SULF1: variants seen among roughly 807,000 people sequenced by gnomAD.
SULF1 encodes extracellular sulfatase Sulf-1.
Under a neutral mutation model 110.5 loss-of-function variants are expected in SULF1, and 46 were observed. The ratio of observed to expected loss-of-function variants is 0.42; its 90% CI spans 0.33 to 0.53. The LOEUF is 0.53. Ranked by LOEUF, SULF1 falls within the 20% of genes least tolerant of loss-of-function variation. The probability of loss-of-function intolerance (pLI) is 0.12; values close to 1 mark genes in which losing one functional copy is unlikely to be tolerated. For missense variants in SULF1, 941 were observed against 1,094.2 expected, an observed-to-expected ratio of 0.86 and a Z score of 1.98; for synonymous variants, 371 against 387.1, an observed-to-expected ratio of 0.96 and a Z score of 0.49.
intron 3 of SULF1, among the ~76,000 whole-genome samples, chr8:69,529,728 A>G (rs1236157893): frequency 1.3e-5 from 2 of 152,188 alleles, no homozygotes; most frequent in African/African-American, 4.8e-5. Flanking sequence ...GGAGGCCTCA[A>G]TTCCTTGCCA....
At chr8:69,543,053 CTG>C (rs1328114417) in intron 3 of SULF1, among the ~76,000 whole-genome samples, 1 of 152,128 alleles carries the variant, frequency 6.6e-6, no homozygotes, top group East Asian at 1.9e-4. Context: ...TTCTATGAGT[CTG>C]TGGTTCTGTG....
rs143631855 is a variant in SULF1 at position 69,640,832 on chromosome 8, A to G, written c.2576A>G (p.Asp859Gly). 2.4e-5 allele frequency: 38 copies of G among 1,610,794 alleles called. No individual in the cohort carries two copies. Among genetic ancestry groups the G allele is most frequent in the East Asian group, 6.7e-5 (3 of 44,766 alleles). ...DVGNKDGGSY[D>G]LHRGQLWDGW... Reference sequence around the variant, plus strand: ...GGAAATAAAGATGGAGGAAGCTATGACCTACACAGGTATTCACACTTTTTT... The same window carrying G: ...GGAAATAAAGATGGAGGAAGCTATGGCCTACACAGGTATTCACACTTTTTT... The change falls in exon 22 of 23, where the codon GAC (aspartate) becomes GGC (glycine). Residue 859 changes from aspartate (D) to glycine (G), a missense_variant. Transcript: ENST00000402687.
upstream of SULF1, among the ~76,000 whole-genome samples, chr8:69,488,234 G>A (rs1410450195): frequency 4.6e-5 from 7 of 152,196 alleles, no homozygotes; most frequent in South Asian, 4.2e-4. Context: ...AAAAAGATCC[G>A]TCTATTACAA....
At chr8:69,633,239 TC>T (rs376952019) in intron 19 of SULF1, among the ~76,000 whole-genome samples, 443 of 152,192 alleles carry the variant, frequency 2.9e-3, no homozygotes, top group Non-Finnish European at 4.4e-3. Context: ...TGATGTGTGA[TC>T]TTAATTGCTT....
chr8:69,627,415 G>A, intron 16 of SULF1, 109 bp downstream of exon 16: 1 of 700,878 alleles, frequency 1.4e-6, no homozygotes. Context: ...CTATAATTAT[G>A]TGAAAAAATA....
Position 69,476,658 on chromosome 8 carries a change from A to G in SULF1, c.-391+9708A>G, listed in dbSNP as rs540017250. ...ACTTTGGCCTGTTCTATGTTACCCA[A>G]CTGGGTTTTCTGAACCATATTCCCT... On this transcript the variant is annotated intron_variant, in intron 1 of 22. Coordinates refer to the SULF1 transcript ENST00000260128. Among the ~76,000 whole-genome samples, 3 of 152,350 alleles carry G rather than the reference A, an allele frequency of 2.0e-5. No homozygotes were observed. The South Asian group carries it at 6.2e-4, about 32-fold the overall frequency.
chr8:69,640,127 G>GAAA (rs1323665893), intron 21 of SULF1, among the ~76,000 whole-genome samples: 1,550 of 78,268 alleles, frequency 0.02, 30 homozygotes, highest in African/African-American at 0.087. Context: ...AAGAAAGGAA[G>GAAA]GAAGAAGGAA....
intron 19 of SULF1, among the ~76,000 whole-genome samples, chr8:69,630,617 A>G (rs568077651): frequency 6.6e-6 from 1 of 152,302 alleles, no homozygotes; most frequent in South Asian, 2.1e-4. Flanking sequence ...TTAACTTTTA[A>G]TCTAGTTTCT....
At chr8:69,603,870 T>C (rs762749627) in intron 12 of SULF1, among the ~76,000 whole-genome samples, 1 of 152,226 alleles carries the variant, frequency 6.6e-6, no homozygotes, top group Non-Finnish European at 1.5e-5. Flanking sequence ...AGTTGGTTAA[T>C]TGGTACAAAA....
intron 3 of SULF1, among the ~76,000 whole-genome samples, chr8:69,556,149 ATG>A (rs559967214): frequency 2.0e-5 from 3 of 151,918 alleles, no homozygotes; most frequent in African/African-American, 7.3e-5. Flanking sequence ...ATGCACGTGT[ATG>A]TGTGTGTGTG....
chr8:69,636,668 C>T (rs991048395), intron 19 of SULF1, among the ~76,000 whole-genome samples: 1 of 152,098 alleles, frequency 6.6e-6, no homozygotes, highest in African/African-American at 2.4e-5. Flanking sequence ...AGTCGATTGG[C>T]GAGAGGTCAG....
At chr8:69,476,233 T>A (rs1174145854) in intron 1 of SULF1, among the ~76,000 whole-genome samples, 1 of 152,146 alleles carries the variant, frequency 6.6e-6, no homozygotes, top group African/African-American at 2.4e-5. Context: ...CAAAGACAAA[T>A]CATCCTTAAT....
intron 1 of SULF1, among the ~76,000 whole-genome samples, chr8:69,494,500 C>T (rs773367526): frequency 1.5e-4 from 23 of 151,874 alleles, no homozygotes; most frequent in Non-Finnish European, 3.4e-4. Context: ...TCTGTGGCTC[C>T]CATGAAATTC....
At chr8:69,636,872 T>C (rs1325616215) in intron 19 of SULF1, among the ~76,000 whole-genome samples, 1 of 152,148 alleles carries the variant, frequency 6.6e-6, no homozygotes, top group Non-Finnish European at 1.5e-5. Context: ...ATGTACTGGT[T>C]TGGCCAGGAT....
chr8:69,495,028 G>T (rs553170603), intron 1 of SULF1, among the ~76,000 whole-genome samples: 2 of 152,188 alleles, frequency 1.3e-5, no homozygotes, highest in African/African-American at 4.8e-5. Flanking sequence ...CTGGATGAAG[G>T]GAATGGAGGA....
intron 13 of SULF1, among the ~76,000 whole-genome samples, chr8:69,606,416 G>C (rs1169462351): frequency 6.6e-6 from 1 of 152,144 alleles, no homozygotes; most frequent in Non-Finnish European, 1.5e-5. Flanking sequence ...GAATTGTTTT[G>C]TAGCTCTAAG....
Position 69,563,911 on chromosome 8 carries a change from C to A in SULF1, c.-60-5C>A. 1 of 1,552,950 alleles carries A rather than the reference C, an allele frequency of 6.4e-7. No homozygotes were observed. The highest frequency in any genetic ancestry group is 1.1e-5 in the South Asian group (1 of 87,778). On this transcript the variant is annotated splice_region_variant and splice_polypyrimidine_tract_variant and intron_variant, in intron 4 of 22. Coordinates refer to ENST00000402687, the MANE Select transcript of SULF1 (RefSeq NM_001128205.2). ...CACCGTCTCCGTTTTTCTCTGACTG[C>A]CCAGAACTCCAGAAATCAGGAGACG...
chr8:69,538,319 T>C (rs1437481689), intron 3 of SULF1, among the ~76,000 whole-genome samples: 1 of 139,952 alleles, frequency 7.1e-6, no homozygotes, highest in African/African-American at 2.7e-5. Context: ...AGACACATGC[T>C]TCTCATCCCG....
In SULF1 at chr8:69,520,856, C is replaced by T. The variant is rs142988484; in HGVS notation, c.-134+18888C>T. Among the ~76,000 whole-genome samples, 70 of 152,254 alleles carry T rather than the reference C, an allele frequency of 4.6e-4. No individual in the cohort carries two copies. In the East Asian group the frequency reaches 0.012, roughly 26 times the overall value. ...GAAACTTGGCCAAGCATTAGATGAA[C>T]CTGCTCTGAGTTTTGATTTTATATC... is the stretch of plus-strand genomic sequence containing the variant. On this transcript the variant is annotated intron_variant, in intron 3 of 22. Coordinates refer to ENST00000402687, the MANE Select transcript of SULF1 (RefSeq NM_001128205.2).
Sources: gnomAD v4.1 joint callset for allele counts (sites outside exome capture counted in the v4.1 genomes callset) on GRCh38, gnomAD v4.1.1 for gene constraint, MANE v1.5 for transcripts, NCBI Gene and HGNC (gene_info 2026-07-23, HGNC 2026-07-21) for gene names.